Variants in DMD observed in about 807,000 individuals in gnomAD.
DMD encodes the protein mutant dystrophin.
DMD carries 63 observed loss-of-function variants against 330.1 expected under a neutral mutation model. The observed-to-expected ratio is 0.19, with a 90% CI of 0.16 to 0.24. DMD has a LOEUF of 0.24. DMD is among the 10% of genes least tolerant of loss of function. DMD has a pLI of 1.00. For synonymous variants in DMD, 1,223 were observed against 959.8 expected, an observed-to-expected ratio of 1.27 and a Z score of -5.07; for missense variants, 3,344 against 2,684.1, an observed-to-expected ratio of 1.25 and a Z score of -5.43.
intron 60 of DMD, among the ~76,000 whole-genome samples, chrX:31,379,683 A>C (rs1002762664): frequency 9.0e-6 from 1 of 111,391 alleles, no homozygotes; most frequent in Admixed American, 9.5e-5. Context: ...TGTGAGACAA[A>C]CCCCAGCCAT....
chrX:32,666,832 A>T (rs1311304645), intron 9 of DMD, among the ~76,000 whole-genome samples: 1 of 108,603 alleles, frequency 9.2e-6, no homozygotes, highest in Non-Finnish European at 1.9e-5. Context: ...GTCTCCAAAA[A>T]AAAAAAAACA....
intron 34 of DMD, among the ~76,000 whole-genome samples, chrX:32,372,318 T>C (rs5972547): frequency 0.07 from 7,805 of 111,573 alleles, 476 homozygotes; most frequent in African/African-American, 0.2. Flanking sequence ...GAGACCAAAA[T>C]ACACATTTTC....
At chrX:31,585,322 TC>T (rs1394172501) in intron 55 of DMD, among the ~76,000 whole-genome samples, 2 of 40,441 alleles carry the variant, frequency 4.9e-5, no homozygotes, top group Admixed American at 3.7e-4. Flanking sequence ...AGACCCTGTC[TC>T]AAAAAAAAAA....
At position 33,025,472 on chromosome X, in the gene DMD, G is replaced by GAAA. The variant is rs35908365; in HGVS notation, c.32-5275_32-5273dup. Among the ~76,000 whole-genome samples, 5 of 101,307 alleles carry GAAA rather than the reference G, an allele frequency of 4.9e-5. No individual in the cohort carries two copies. The East Asian group carries it at 1.2e-3, about 25-fold the overall frequency. The allele number at this position is 101,307 out of a possible 115,157, so 88.0% of individuals were successfully genotyped here. A position where few individuals can be genotyped will look rare whatever the true frequency, so the allele number is the denominator to read the frequency against. On this transcript the variant is annotated intron_variant, in intron 1 of 78. Coordinates refer to ENST00000357033, the MANE Select transcript of DMD (RefSeq NM_004006.3). ...AAGTGAAAGCATTTAAAAACTGGGG[G>GAAA]AAAAAAAAAAACAGAAAAACAGTTC...
chrX:32,669,956 A>T (rs946472913), intron 9 of DMD, among the ~76,000 whole-genome samples: 1 of 111,561 alleles, frequency 9.0e-6, no homozygotes, highest in Non-Finnish European at 1.9e-5. Context: ...CGAAACGAAC[A>T]GTCACAAAAT....
In DMD at chrX:32,573,600, G is replaced by A. The variant is rs763155705; in HGVS notation, c.1742C>T (p.Ala581Val). 1.7e-5 allele frequency: 20 copies of A among 1,209,793 alleles called. No individual in the cohort carries two copies. The South Asian group carries it at 3.3e-4, about 20-fold the overall frequency. ...GCCAGTTGTGTGAATCTTGTTCACT[G>A]CATCTTCTTTTTCTGAAAGCCATGC... The part of the protein sequence containing the change: ...FSAWLSEKED[A>V]VNKIHTTGFK... The change falls in exon 15 of 79, where the codon GCA (alanine) becomes GTA (valine). Residue 581 changes from alanine to valine, a missense_variant. Physicochemically the swap from Ala to Val is moderately conservative, Grantham distance 64. Coordinates refer to ENST00000357033, the MANE Select transcript of DMD (RefSeq NM_004006.3).
At chrX:32,441,757 A>G (rs1469703792) in intron 27 of DMD, among the ~76,000 whole-genome samples, 2 of 111,475 alleles carry the variant, frequency 1.8e-5, no homozygotes, top group African/African-American at 3.2e-5. Context: ...ACTAAACATT[A>G]TATCATACCA....
chrX:32,900,994 A>G (rs1459622294), intron 2 of DMD, among the ~76,000 whole-genome samples: 1 of 111,235 alleles, frequency 9.0e-6, no homozygotes, highest in Non-Finnish European at 1.9e-5. Flanking sequence ...GTAAGCAGCT[A>G]CTCTTCCAAT....
intron 49 of DMD, among the ~76,000 whole-genome samples, chrX:31,833,338 GA>G (rs2093111807): frequency 1.1e-4 from 4 of 35,653 alleles, no homozygotes; most frequent in African/African-American, 4.1e-4. Flanking sequence ...GAGAGGGAGA[GA>G]GTGGAGAGGG....
At chrX:32,242,464 C>T (rs1325388952) in intron 43 of DMD, among the ~76,000 whole-genome samples, 2 of 111,899 alleles carry the variant, frequency 1.8e-5, no homozygotes, top group Non-Finnish European at 3.8e-5. Context: ...ACATTACCCT[C>T]TGATGACTTT....
chrX:32,522,338 T>C (rs1252791350), intron 17 of DMD, among the ~76,000 whole-genome samples: 1 of 111,934 alleles, frequency 8.9e-6, no homozygotes, highest in African/African-American at 3.2e-5. Context: ...TATGTACTAC[T>C]GGAAAAATTA....
intron 51 of DMD, among the ~76,000 whole-genome samples, chrX:31,771,663 G>A (rs1253787750): frequency 9.0e-6 from 1 of 110,604 alleles, no homozygotes; most frequent in Non-Finnish European, 1.9e-5. Flanking sequence ...CACCACACCA[G>A]CTAATTTTTT....
At chrX:31,833,347 G>A (rs1184535016) in intron 49 of DMD, among the ~76,000 whole-genome samples, 2 of 82,959 alleles carry the variant, frequency 2.4e-5, no homozygotes, top group African/African-American at 9.2e-5. Context: ...AGAGTGGAGA[G>A]GGAGGGAGGG....
chrX:31,724,702 T>C lies in DMD; in HGVS notation c.7660+4929A>G, dbSNP rs746545887. The stretch of plus-strand genomic sequence containing the variant: ...CAGTTCTCTCTGTACCAAATCCATC[T>C]CACCATAACAATATGTACCATTTAA... On this transcript the variant is annotated intron_variant, in intron 52 of 78. Coordinates refer to ENST00000357033, the MANE Select transcript of DMD (RefSeq NM_004006.3). 2.7e-5 allele frequency among the ~76,000 whole-genome samples: 3 copies of C among 112,176 alleles called. No homozygotes were observed. In the East Asian group the frequency reaches 8.4e-4, roughly 31 times the overall value.
intron 44 of DMD, among the ~76,000 whole-genome samples, chrX:31,988,809 A>C (rs746329415): frequency 8.4e-4 from 92 of 109,821 alleles, no homozygotes; most frequent in Non-Finnish European, 1.5e-3. Context: ...CTCTCTCTCG[A>C]AACCAGAGAG....
At chrX:31,880,305 T>C (rs1458172332) in intron 47 of DMD, among the ~76,000 whole-genome samples, 2 of 111,917 alleles carry the variant, frequency 1.8e-5, no homozygotes, top group Admixed American at 9.5e-5. Context: ...TATTCACTTA[T>C]AAATTAAAGC....
At chrX:33,139,112 C>A (rs1447658012) in intron 1 of DMD, among the ~76,000 whole-genome samples, 1 of 109,948 alleles carries the variant, frequency 9.1e-6, no homozygotes, top group Non-Finnish European at 1.9e-5. Context: ...AGTTTGAGAC[C>A]AAAGCAGGCA....
chrX:32,257,640 TC>T (rs2097304680), intron 43 of DMD, among the ~76,000 whole-genome samples: 1 of 111,407 alleles, frequency 9.0e-6, no homozygotes, highest in African/African-American at 3.3e-5. Flanking sequence ...CTGGACCCCT[TC>T]CTTACCCCTT....
intron 2 of DMD, among the ~76,000 whole-genome samples, chrX:32,919,553 C>T (rs1384648944): frequency 8.9e-6 from 1 of 111,753 alleles, no homozygotes; most frequent in Non-Finnish European, 1.9e-5. Context: ...GTCTATTCTA[C>T]TGAATTCAGT....
Sources: allele counts gnomAD v4.1 joint callset (sites outside exome capture counted in the v4.1 genomes callset), GRCh38; gene constraint gnomAD v4.1.1; transcripts MANE v1.5; gene names NCBI Gene and HGNC (gene_info 2026-07-23, HGNC 2026-07-21).